The following NAPB variants were observed in gnomAD, a reference collection of about 807,000 sequenced individuals.
The protein encoded by NAPB is NSF attachment protein beta.
A neutral mutation model predicts 44.7 loss-of-function variants in NAPB; 26 were observed. The ratio of observed to expected loss-of-function variants is 0.58; its 90% CI spans 0.43 to 0.81. The LOEUF is 0.81. Among genes scored for constraint, NAPB ranks in the 30% least tolerant of loss-of-function variants. The pLI is 0.00. For synonymous variants in NAPB, 120 were observed against 116.8 expected, an observed-to-expected ratio of 1.03 and a Z score of -0.18; for missense variants, 315 against 356.4, an observed-to-expected ratio of 0.88 and a Z score of 0.94.
intron 5 of NAPB, among the ~76,000 whole-genome samples, chr20:23,392,257 G>A (rs1384991902): frequency 6.8e-6 from 1 of 148,058 alleles, no homozygotes; most frequent in Non-Finnish European, 1.5e-5. Context: ...GTGTTCCAAA[G>A]AAATATTTTC....
chr20:23,384,902 C>A (rs377308309), intron 7 of NAPB, among the ~76,000 whole-genome samples: 1 of 151,838 alleles, frequency 6.6e-6, no homozygotes, highest in Non-Finnish European at 1.5e-5. Flanking sequence ...GGTGTATCAC[C>A]GAGGTCAGGA....
rs1984274443 is a variant in NAPB, at chr20:23,395,303, G to T, written c.296-118C>A. ...TAATGAGGTATAATTTTGGAGTGGAGGGTGGGCAGGTTAATGAGAAGCAAA... is the reference window on the plus strand; with the variant it reads ...TAATGAGGTATAATTTTGGAGTGGATGGTGGGCAGGTTAATGAGAAGCAAA... On this transcript the variant is annotated intron_variant, in intron 3 of 10. Coordinates refer to ENST00000377026, the MANE Select transcript of NAPB (RefSeq NM_022080.3). The T allele has an allele frequency of 6.8e-6, 7 of 1,030,120 alleles. No individual in the cohort carries two copies. In the Admixed American group the frequency reaches 1.5e-4, roughly 22 times the overall value. The allele number at this position is 1,030,120 out of a possible 1,614,324, so 63.8% of individuals were successfully genotyped here. A position where few individuals can be genotyped will look rare whatever the true frequency, so the allele number is the denominator to read the frequency against.
intron 1 of NAPB, among the ~76,000 whole-genome samples, chr20:23,407,639 C>T (rs1057133052): frequency 3.3e-5 from 5 of 152,082 alleles, no homozygotes; most frequent in African/African-American, 1.2e-4. Flanking sequence ...TTACTGAGAT[C>T]CATATGTGCC....
rs906859661 is a variant in NAPB at position 23,421,453 on chromosome 20, A to C, written c.-51T>G. On this transcript the variant is annotated 5_prime_UTR_variant, in exon 1 of 11. Coordinates refer to ENST00000377026, the MANE Select transcript of NAPB (RefSeq NM_022080.3). ...CCCTCAGCCGGCTCGCTGTGCGCCC[A>C]GGCGCCTTAACCCTCCCTCTGGCGG... 1.3e-6 allele frequency: 2 copies of C among 1,507,808 alleles called. No individual in the cohort carries two copies. The highest frequency in any genetic ancestry group is 1.4e-5 in the African/African-American group (1 of 70,344). The allele number at this position is 1,507,808 out of a possible 1,614,324, so 93.4% of individuals were successfully genotyped here.
At chr20:23,416,233 C>T (rs1453412107) in intron 1 of NAPB, among the ~76,000 whole-genome samples, 1 of 152,130 alleles carries the variant, frequency 6.6e-6, no homozygotes, top group African/African-American at 2.4e-5. Flanking sequence ...AGAGTAACTG[C>T]ACCTCACAGA....
chr20:23,380,015 A>G (rs1227810760), intron 8 of NAPB, 80 bp from the exon 9 acceptor site: 2 of 1,082,728 alleles, frequency 1.8e-6, no homozygotes, highest in African/African-American at 1.6e-5. Context: ...TTCAAATAAG[A>G]TCTACCTATA....
intron 7 of NAPB, among the ~76,000 whole-genome samples, chr20:23,388,366 C>T (rs989613993): frequency 6.6e-6 from 1 of 152,124 alleles, no homozygotes; most frequent in Non-Finnish European, 1.5e-5. Flanking sequence ...CATACAATCC[C>T]TATCAAAATC....
intron 1 of NAPB, 37 bp from the exon 2 acceptor site, chr20:23,403,109 T>C: frequency 1.4e-6 from 2 of 1,443,912 alleles, no homozygotes; most frequent in Non-Finnish European, 1.9e-6. Context: ...TTAACAACCA[T>C]CCACATCTCT....
chr20:23,391,067 C>T (rs944166554), intron 5 of NAPB, among the ~76,000 whole-genome samples: 2 of 152,160 alleles, frequency 1.3e-5, no homozygotes, highest in African/African-American at 4.8e-5. Flanking sequence ...GTAATCCCAG[C>T]ACTTTTGGAG....
chr20:23,400,687 T>C (rs1984768803), intron 2 of NAPB, among the ~76,000 whole-genome samples: 1 of 152,194 alleles, frequency 6.6e-6, no homozygotes, highest in African/African-American at 2.4e-5. Flanking sequence ...TTAGTCATTA[T>C]GAAAGAACTT....
chr20:23,420,814 C>G (rs530823499), intron 1 of NAPB, among the ~76,000 whole-genome samples: 1 of 151,616 alleles, frequency 6.6e-6, no homozygotes, highest in South Asian at 2.1e-4. Flanking sequence ...TGACAGCCCC[C>G]CCCCCAGAGT....
chr20:23,383,401 G>A (rs1035618091), intron 7 of NAPB, among the ~76,000 whole-genome samples: 2 of 152,014 alleles, frequency 1.3e-5, no homozygotes, highest in African/African-American at 2.4e-5. Context: ...CAAGTTGAAT[G>A]ACAGCAGACT....
chr20:23,380,838 TA>T (rs990456514), intron 8 of NAPB: 20 of 159,676 alleles, frequency 1.3e-4, no homozygotes, highest in Non-Finnish European at 2.3e-4. Context: ...TTAATTTCTT[TA>T]AAGCAAAACT....
At chr20:23,392,671 C>A (rs539871274) in intron 5 of NAPB, among the ~76,000 whole-genome samples, 1 of 147,890 alleles carries the variant, frequency 6.8e-6, no homozygotes, top group South Asian at 2.2e-4. Flanking sequence ...CACACGCCAC[C>A]ATTCCTGGAT....
chr20:23,418,613 T>C (rs549204103), intron 1 of NAPB, among the ~76,000 whole-genome samples: 70 of 152,132 alleles, frequency 4.6e-4, no homozygotes, highest in Non-Finnish European at 8.1e-4. Flanking sequence ...ACATTAATGG[T>C]TAAAGCTCTT....
At chr20:23,402,870 T>C in intron 2 of NAPB, 123 bp downstream of exon 2, 1 of 697,110 alleles carries the variant, frequency 1.4e-6, no homozygotes, top group South Asian at 1.9e-5. Context: ...ACATCAGTTA[T>C]TCAGCACTGA....
intron 1 of NAPB, among the ~76,000 whole-genome samples, chr20:23,405,727 A>C (rs1985206340): frequency 6.6e-6 from 1 of 151,698 alleles, no homozygotes; most frequent in Non-Finnish European, 1.5e-5. Context: ...GTCTCAAAAC[A>C]AAAAAAAAGC....
At chr20:23,398,342 A>T (rs370902389) in intron 2 of NAPB, among the ~76,000 whole-genome samples, 1 of 152,162 alleles carries the variant, frequency 6.6e-6, no homozygotes, top group Admixed American at 6.5e-5. Context: ...CATTTGCTAT[A>T]AATTTTTTTT....
At chr20:23,413,998 T>C (rs1192486247) in intron 1 of NAPB, among the ~76,000 whole-genome samples, 2 of 152,140 alleles carry the variant, frequency 1.3e-5, no homozygotes, top group Non-Finnish European at 2.9e-5. Flanking sequence ...AAATGAATTG[T>C]AGATAAAACA....
Sources: gnomAD v4.1 joint callset for allele counts (sites outside exome capture counted in the v4.1 genomes callset) on GRCh38, gnomAD v4.1.1 for gene constraint, MANE v1.5 for transcripts, NCBI Gene and HGNC (gene_info 2026-07-23, HGNC 2026-07-21) for gene names.